The following FHIT variants were observed in gnomAD, a reference collection of about 807,000 sequenced individuals.
FHIT encodes the protein bis(5'-adenosyl)-triphosphatase.
A neutral mutation model predicts 17.9 loss-of-function variants in FHIT; 19 were observed. That is an observed-to-expected ratio of 1.06 (90% CI 0.74 to 1.56). The LOEUF is 1.56. Ranked by LOEUF, FHIT falls within the 40% of genes most tolerant of loss-of-function variation. The pLI is 0.00. For synonymous variants in FHIT, 81 were observed against 69.7 expected, an observed-to-expected ratio of 1.16 and a Z score of -0.81; for missense variants, 248 against 189.2, an observed-to-expected ratio of 1.31 and a Z score of -1.82.
intron 5 of FHIT, among the ~76,000 whole-genome samples, chr3:60,103,239 G>A (rs559183580): frequency 6.6e-6 from 1 of 152,096 alleles, no homozygotes; most frequent in Non-Finnish European, 1.5e-5. Flanking sequence ...TATATTGTAG[G>A]GGAGAAAACG....
intron 4 of FHIT, among the ~76,000 whole-genome samples, chr3:60,624,183 C>T (rs1393512003): frequency 2.6e-5 from 4 of 152,064 alleles, no homozygotes; most frequent in Admixed American, 6.5e-5. Flanking sequence ...GCCAGTAGGA[C>T]GTATGCAGAG....
chr3:61,029,552 A>G (rs527321871), intron 3 of FHIT, among the ~76,000 whole-genome samples: 1 of 152,320 alleles, frequency 6.6e-6, no homozygotes, highest in East Asian at 1.9e-4. Context: ...AGTGACCTGA[A>G]AAAAATGGAC....
chr3:61,069,039 C>A (rs925262875), intron 2 of FHIT, among the ~76,000 whole-genome samples: 1 of 152,052 alleles, frequency 6.6e-6, no homozygotes, highest in Non-Finnish European at 1.5e-5. Flanking sequence ...ACAAGCCAAT[C>A]CTGAATCAAA....
intron 5 of FHIT, among the ~76,000 whole-genome samples, chr3:60,324,149 A>G (rs999632431): frequency 1.3e-5 from 2 of 152,168 alleles, no homozygotes; most frequent in Non-Finnish European, 2.9e-5. Flanking sequence ...GTATTAACTC[A>G]TTTACTCCTC....
At chr3:60,097,851 C>T (rs1302348079) in intron 5 of FHIT, among the ~76,000 whole-genome samples, 5 of 142,382 alleles carry the variant, frequency 3.5e-5, no homozygotes, top group Non-Finnish European at 7.7e-5. Context: ...TCTCCTAATG[C>T]TATCCCTCCC....
At chr3:60,878,027 T>C (rs1483885167) in intron 3 of FHIT, among the ~76,000 whole-genome samples, 3 of 152,110 alleles carry the variant, frequency 2.0e-5, no homozygotes, top group African/African-American at 7.2e-5. Flanking sequence ...CTGAACCCTA[T>C]TGGCTTAGGC....
intron 5 of FHIT, among the ~76,000 whole-genome samples, chr3:60,328,141 A>T (rs1453614357): frequency 1.4e-5 from 2 of 147,944 alleles, no homozygotes; most frequent in African/African-American, 5.0e-5. Context: ...TCCAACTGTA[A>T]GGGAGCACAG....
intron 7 of FHIT, among the ~76,000 whole-genome samples, chr3:59,935,660 G>C (rs148210248): frequency 7.9e-5 from 12 of 151,734 alleles, no homozygotes; most frequent in Non-Finnish European, 1.5e-4. Context: ...GGGTGGATGG[G>C]TGATGGATGG....
At chr3:60,035,826 C>A (rs1478804586) in intron 5 of FHIT, among the ~76,000 whole-genome samples, 1 of 152,198 alleles carries the variant, frequency 6.6e-6, no homozygotes. Flanking sequence ...GTCTTCTACT[C>A]TGAATATCTT....
chr3:60,366,493 A>T (rs1336056760), intron 5 of FHIT, among the ~76,000 whole-genome samples: 1 of 152,220 alleles, frequency 6.6e-6, no homozygotes, highest in East Asian at 1.9e-4. Flanking sequence ...TCCAAAATTC[A>T]TACTGAAATT....
intron 4 of FHIT, among the ~76,000 whole-genome samples, chr3:60,750,507 G>T (rs1282378075): frequency 7.2e-5 from 11 of 152,152 alleles, no homozygotes; most frequent in African/African-American, 2.7e-4. Context: ...TCATGAATCA[G>T]TCTCACAAGA....
At chr3:60,696,288 C>T (rs374100323) in intron 4 of FHIT, among the ~76,000 whole-genome samples, 1 of 152,130 alleles carries the variant, frequency 6.6e-6, no homozygotes, top group Non-Finnish European at 1.5e-5. Flanking sequence ...AGGAAGTTCT[C>T]CATACGTTGA....
intron 5 of FHIT, among the ~76,000 whole-genome samples, chr3:60,153,641 C>T (rs7642454): frequency 6.6e-6 from 1 of 152,018 alleles, no homozygotes; most frequent in Non-Finnish European, 1.5e-5. Flanking sequence ...GATAGAATTA[C>T]GTCCAAAAGT....
At chr3:59,825,696 T>C (rs1170222352) in intron 8 of FHIT, among the ~76,000 whole-genome samples, 1 of 152,180 alleles carries the variant, frequency 6.6e-6, no homozygotes, top group Non-Finnish European at 1.5e-5. Context: ...GCCCATTCTA[T>C]AGAAGACTAA....
At chr3:60,823,902 A>G (rs552289155) in intron 3 of FHIT, among the ~76,000 whole-genome samples, 1 of 152,288 alleles carries the variant, frequency 6.6e-6, no homozygotes, top group African/African-American at 2.4e-5. Context: ...GGGAACAGAA[A>G]GTACAAACCT....
At chr3:60,331,272 T>C (rs1338142142) in intron 5 of FHIT, among the ~76,000 whole-genome samples, 3 of 152,184 alleles carry the variant, frequency 2.0e-5, no homozygotes, top group East Asian at 1.9e-4. Flanking sequence ...CTCAGTGCCC[T>C]TTCCTGATTT....
At chr3:61,164,617 G>T (rs1325629016) in intron 2 of FHIT, among the ~76,000 whole-genome samples, 2 of 124,802 alleles carry the variant, frequency 1.6e-5, no homozygotes, top group Non-Finnish European at 3.3e-5. Context: ...CTATCCCACA[G>T]AAATGTGGTA....
chr3:59,875,062 AC>A (rs1198097850), intron 8 of FHIT, among the ~76,000 whole-genome samples: 1 of 152,016 alleles, frequency 6.6e-6, no homozygotes, highest in Non-Finnish European at 1.5e-5. Flanking sequence ...CTTTTTAGTT[AC>A]CTCTGGAGAT....
chr3:59,890,206 G>C (rs1046607323), intron 8 of FHIT, among the ~76,000 whole-genome samples: 1 of 151,972 alleles, frequency 6.6e-6, no homozygotes, highest in African/African-American at 2.4e-5. Context: ...CAGGGCTCTG[G>C]AGGCCTCTTT....
Sources: allele counts gnomAD v4.1 joint callset (sites outside exome capture counted in the v4.1 genomes callset), GRCh38; gene constraint gnomAD v4.1.1; transcripts MANE v1.5; gene names NCBI Gene and HGNC (gene_info 2026-07-23, HGNC 2026-07-21).